UNC5C: variants seen among roughly 807,000 people sequenced by gnomAD.
The protein encoded by UNC5C is netrin receptor UNC5C.
Under a neutral mutation model 99.8 loss-of-function variants are expected in UNC5C, and 47 were observed. The ratio of observed to expected loss-of-function variants is 0.47; its 90% confidence interval spans 0.37 to 0.60. The LOEUF is 0.60. Among genes scored for constraint, UNC5C ranks in the 20% least tolerant of loss-of-function variants. The pLI is 0.00. For missense variants in UNC5C, 1,062 were observed against 1,165.9 expected (o/e 0.91, Z 1.30); for synonymous variants, 487 against 452.2 (o/e 1.08, Z -0.98).
intron 14 of UNC5C, among the ~76,000 whole-genome samples, chr4:95,175,881 C>T (rs1381524604): frequency 1.3e-5 from 2 of 151,692 alleles, no homozygotes; most frequent in African/African-American, 4.8e-5. Context: ...TCAGGTACAC[C>T]AATCAGATGT....
chr4:95,473,616 ATTCTT>A (rs1748043372), intron 1 of UNC5C, among the ~76,000 whole-genome samples: 1 of 152,130 alleles, frequency 6.6e-6, no homozygotes, highest in Non-Finnish European at 1.5e-5. Context: ...GAAGTGTGTT[ATTCTT>A]AAGTATCTTA....
At chr4:95,371,216 T>C (rs1229121472) in intron 1 of UNC5C, among the ~76,000 whole-genome samples, 3 of 152,132 alleles carry the variant, frequency 2.0e-5, no homozygotes, top group Non-Finnish European at 4.4e-5. Flanking sequence ...CTCAGTGTAA[T>C]GCTGTTTCAT....
chr4:95,206,040 G>A (rs184966117), intron 11 of UNC5C, among the ~76,000 whole-genome samples: 1 of 145,012 alleles, frequency 6.9e-6, no homozygotes, highest in East Asian at 2.0e-4. Context: ...TTACTCTGTT[G>A]CCCAAGCTGG....
intron 1 of UNC5C, among the ~76,000 whole-genome samples, chr4:95,519,108 G>T (rs184894465): frequency 1.3e-5 from 2 of 152,192 alleles, no homozygotes; most frequent in Non-Finnish European, 2.9e-5. Flanking sequence ...TTTGGGAAAT[G>T]TTGCTTCAAG....
intron 1 of UNC5C, among the ~76,000 whole-genome samples, chr4:95,339,721 C>T (rs1439742718): frequency 1.3e-5 from 2 of 152,080 alleles, no homozygotes; most frequent in African/African-American, 4.8e-5. Flanking sequence ...TATAAATGCA[C>T]ACCCCAGCTG....
chr4:95,296,556 C>G (rs920329038), intron 3 of UNC5C, among the ~76,000 whole-genome samples: 10 of 152,032 alleles, frequency 6.6e-5, no homozygotes, highest in African/African-American at 2.4e-4. Context: ...CAACAATGGT[C>G]TCTGCAAATT....
rs970934735 is a variant in UNC5C at position 95,383,935 on chromosome 4, A to G, written c.125-48304T>C. Among the ~76,000 whole-genome samples the G allele has an allele frequency of 2.3e-4, 35 of 152,292 alleles. 1 individual carries two copies. The highest frequency in any genetic ancestry group is 8.2e-4 in the African/African-American group (34 of 41,570). On this transcript the variant is annotated intron_variant, in intron 1 of 15. Coordinates refer to ENST00000453304, the MANE Select transcript of UNC5C (RefSeq NM_003728.4). The stretch of plus-strand genomic sequence containing the variant: ...CAAATGGTTTCCTCTTCACATCAGG[A>G]AACTCAAACTTGTCTCTTTGGTTAA...
At chr4:95,434,173 A>G (rs1746709447) in intron 1 of UNC5C, among the ~76,000 whole-genome samples, 1 of 152,152 alleles carries the variant, frequency 6.6e-6, no homozygotes, top group South Asian at 2.1e-4. Flanking sequence ...ACACAGGGAA[A>G]CAGGATGCAG....
rs1454631910 is a variant in UNC5C at position 95,202,873 on chromosome 4, C to T, written c.1994G>A (p.Ser665Asn). Residue 665 changes from serine to asparagine, a missense_variant, in exon 12 of 16, where the codon AGC becomes AAC. Around this residue, in one of 3 missense-constraint regions of UNC5C, gnomAD observed 810 missense variants for 854.5 expected, o/e 0.95. Transcript: ENST00000453304. ...EACHILTENL[S>N]TYALVGHSTT... ...GGAATGTCCTACCAGGGCGTAGGTGCTGAGGTTCTCTGTGAGGATGTGGCA... is the reference window on the plus strand; with the variant it reads ...GGAATGTCCTACCAGGGCGTAGGTGTTGAGGTTCTCTGTGAGGATGTGGCA... The T allele has an allele frequency of 6.2e-7, 1 of 1,614,200 alleles. No homozygotes were observed. The highest frequency in any genetic ancestry group is 1.7e-5 in the Admixed American group (1 of 60,030).
rs1441083173 is a variant in UNC5C at position 95,164,676 on chromosome 4, C to T, written c.*4558G>A. 6.6e-6 allele frequency: 1 copy of T among 152,162 alleles called. No homozygotes were observed. The highest frequency in any genetic ancestry group is 6.5e-5 in the Admixed American group (1 of 15,274). The allele number at this position is 152,162 out of a possible 1,614,324, so 9.4% of individuals were successfully genotyped here. A position where few individuals can be genotyped will look rare whatever the true frequency, so the allele number is the denominator to read the frequency against. ...TCTTGAGCAATGATGTACTGCTTCA[C>T]AAAAGCTCTTCCATTCTCAAAGAAG... On this transcript the variant is annotated 3_prime_UTR_variant, in exon 16 of 16. Coordinates refer to ENST00000453304, the MANE Select transcript of UNC5C (RefSeq NM_003728.4).
intron 14 of UNC5C, among the ~76,000 whole-genome samples, chr4:95,179,852 A>G (rs1012183827): frequency 6.6e-6 from 1 of 151,756 alleles, no homozygotes; most frequent in East Asian, 1.9e-4. Flanking sequence ...CAATGTGATA[A>G]ACCAACTTGG....
intron 1 of UNC5C, among the ~76,000 whole-genome samples, chr4:95,344,616 C>A (rs1743702372): frequency 6.6e-6 from 1 of 151,786 alleles, no homozygotes; most frequent in South Asian, 2.1e-4. Flanking sequence ...GTGAACTGAT[C>A]AAAAATAATA....
At chr4:95,402,848 G>T (rs1334196320) in intron 1 of UNC5C, among the ~76,000 whole-genome samples, 3 of 152,156 alleles carry the variant, frequency 2.0e-5, no homozygotes, top group African/African-American at 7.2e-5. Context: ...AGTCTAAAGA[G>T]ATTGCTCCCT....
At chr4:95,299,131 A>C (rs1426066511) in intron 3 of UNC5C, among the ~76,000 whole-genome samples, 1 of 152,142 alleles carries the variant, frequency 6.6e-6, no homozygotes, top group Non-Finnish European at 1.5e-5. Context: ...TAAGACTTTT[A>C]AAGAGGTGAT....
Position 95,391,963 on chromosome 4 carries a change from G to A in UNC5C, c.125-56332C>T, listed in dbSNP as rs910345157. Among the ~76,000 whole-genome samples the A allele has an allele frequency of 3.3e-5, 5 of 152,188 alleles. No homozygotes were observed. The South Asian group carries it at 6.2e-4, about 19-fold the overall frequency. On this transcript the variant is annotated intron_variant, in intron 1 of 15. Coordinates refer to ENST00000453304, the MANE Select transcript of UNC5C (RefSeq NM_003728.4). ...TCCCAGCTACTCTGAAGACTGAGGT[G>A]GGAGGATCACTTGAGCCCCAGACGT...
At chr4:95,408,760 A>G (rs929025924) in intron 1 of UNC5C, among the ~76,000 whole-genome samples, 1 of 152,226 alleles carries the variant, frequency 6.6e-6, no homozygotes, top group Admixed American at 6.5e-5. Context: ...AAATATATAC[A>G]AGAGAGATTT....
intron 3 of UNC5C, among the ~76,000 whole-genome samples, chr4:95,279,577 A>G (rs570385418): frequency 2.0e-5 from 3 of 152,356 alleles, no homozygotes; most frequent in South Asian, 4.1e-4. Flanking sequence ...AGAACTTTGA[A>G]GCAGCATTTT....
chr4:95,436,732 T>A (rs1485897416), intron 1 of UNC5C, among the ~76,000 whole-genome samples: 2 of 151,890 alleles, frequency 1.3e-5, no homozygotes, highest in African/African-American at 4.8e-5. Flanking sequence ...AAATACAGAA[T>A]AAGCTAATAA....
chr4:95,286,316 A>C (rs1157279337), intron 3 of UNC5C, among the ~76,000 whole-genome samples: 1 of 152,196 alleles, frequency 6.6e-6, no homozygotes, highest in Non-Finnish European at 1.5e-5. Context: ...TTCCACACTC[A>C]GGTTGGGCCC....
Sources: gnomAD v4.1 joint callset for allele counts (sites outside exome capture counted in the v4.1 genomes callset) on GRCh38, gnomAD v4.1.1 for gene constraint, gnomAD v4.1.1 regional missense constraint, MANE v1.5 for transcripts, NCBI Gene and HGNC (gene_info 2026-07-23, HGNC 2026-07-21) for gene names.